SMARCC1: variants seen among roughly 807,000 people sequenced by gnomAD.
SMARCC1 encodes the protein SWI/SNF complex subunit SMARCC1.
Under a neutral mutation model 147.4 loss-of-function variants are expected in SMARCC1, and 43 were observed. The observed-to-expected ratio is 0.29, with a 90% CI of 0.23 to 0.38. SMARCC1 has a LOEUF of 0.38. Among genes scored for constraint, SMARCC1 ranks in the 10% least tolerant of loss-of-function variants. The pLI, the probability that SMARCC1 is intolerant of heterozygous loss-of-function variation, is 1.00. For missense variants in SMARCC1, 1,119 were observed against 1,381.1 expected (o/e 0.81, Z 3.01); for synonymous variants, 495 against 484.4 (o/e 1.02, Z -0.29).
In SMARCC1 at chr3:47,587,647, T is replaced by G. The variant is rs73083103; in HGVS notation, c.*562A>C. 0.016 allele frequency: 2,378 copies of G among 152,826 alleles called. 31 individuals carry two copies. Among genetic ancestry groups the G allele is most frequent in the Non-Finnish European group, 0.024 (1,611 of 68,132 alleles). 9.5% of individuals were successfully genotyped at this position (152,826 alleles called of 1,614,324 possible). The stretch of plus-strand genomic sequence containing the variant: ...TTGTGTGTGGCAAAAGTCTCAAACT[T>G]TACCATCAGCACCATTCTTAGCTCA... On this transcript the variant is annotated 3_prime_UTR_variant, in exon 28 of 28. Coordinates refer to ENST00000254480, the MANE Select transcript of SMARCC1 (RefSeq NM_003074.4).
At position 47,781,843 on chromosome 3, in the gene SMARCC1, C is replaced by A. The variant is rs1340067980; in HGVS notation, c.-46G>T. ...ACAGCCTGGCCCACCCCGGCCCTCG[C>A]GGTGTTTCCCGGTCGTTCCCGCGCG... On this transcript the variant is annotated 5_prime_UTR_variant, in exon 1 of 28. Transcript: ENST00000254480. The A allele has an allele frequency of 1.0e-5, 13 of 1,239,708 alleles. No homozygotes were observed. In the African/African-American group the frequency reaches 2.1e-4, roughly 20 times the overall value. 76.8% of individuals were successfully genotyped at this position (1,239,708 alleles called of 1,614,324 possible).
intron 6 of SMARCC1, among the ~76,000 whole-genome samples, chr3:47,724,165 T>G (rs4858851): frequency 0.63 from 95,198 of 152,044 alleles, 30,597 homozygotes; most frequent in East Asian, 0.72. Flanking sequence ...ATGCCCAAAA[T>G]AAAGTAGGAT....
chr3:47,667,332 A>AAG (rs1553681697), intron 19 of SMARCC1, among the ~76,000 whole-genome samples: 71 of 140,236 alleles, frequency 5.1e-4, no homozygotes, highest in African/African-American at 1.6e-3. Context: ...AAAAAAAAAA[A>AAG]AGAGAGAGAG....
intron 25 of SMARCC1, among the ~76,000 whole-genome samples, chr3:47,618,625 G>C (rs937453417): frequency 2.0e-5 from 3 of 152,094 alleles, no homozygotes; most frequent in African/African-American, 7.2e-5. Flanking sequence ...CATCACACAA[G>C]GAAACTTCTG....
chr3:47,658,975 G>A lies in SMARCC1; in HGVS notation c.2320+2319C>T, dbSNP rs187883938. Among the ~76,000 whole-genome samples the A allele has an allele frequency of 4.6e-5, 7 of 151,946 alleles. No homozygotes were observed. In the South Asian group the frequency reaches 6.2e-4, roughly 14 times the overall value. On this transcript the variant is annotated intron_variant, in intron 21 of 27. Transcript: ENST00000254480. ...TCTACTAAAAACACAAAAATTAGCC[G>A]GGTGTTGTGGCACAAGCCTGTAGTC...
chr3:47,620,496 T>C (rs1360779649), intron 25 of SMARCC1, among the ~76,000 whole-genome samples: 2 of 152,146 alleles, frequency 1.3e-5, no homozygotes, highest in Admixed American at 1.3e-4. Flanking sequence ...TTTTTGTTTT[T>C]TTTCCACTAA....
chr3:47,748,573 A>ATAAC (rs10627361), intron 2 of SMARCC1, among the ~76,000 whole-genome samples: 91,784 of 151,762 alleles, frequency 0.6, 29,037 homozygotes, highest in East Asian at 0.72. Context: ...ATATAAAACT[A>ATAAC]TAATAGCTAA....
chr3:47,684,188 C>T (rs1322034519), intron 14 of SMARCC1, among the ~76,000 whole-genome samples: 8 of 146,922 alleles, frequency 5.4e-5, no homozygotes, highest in Admixed American at 4.2e-4. Flanking sequence ...TGCAGTGAGC[C>T]GAGATCCCGC....
At chr3:47,590,605 C>T in intron 27 of SMARCC1, 56 bp downstream of exon 27, 3 of 1,413,216 alleles carry the variant, frequency 2.1e-6, no homozygotes, top group Non-Finnish European at 2.8e-6. Context: ...CTTCCCTTAT[C>T]TACAGCCCTC....
intron 24 of SMARCC1, among the ~76,000 whole-genome samples, chr3:47,625,560 C>T (rs1176985397): frequency 3.9e-5 from 6 of 151,986 alleles, no homozygotes; most frequent in Admixed American, 3.9e-4. Context: ...TCTAATACTT[C>T]CATAATAAAA....
chr3:47,652,656 G>A (rs1417838590), intron 21 of SMARCC1, among the ~76,000 whole-genome samples: 2 of 145,930 alleles, frequency 1.4e-5, no homozygotes, highest in African/African-American at 5.0e-5. Context: ...TTCCTCCAAA[G>A]GATTCTCCTG....
At chr3:47,766,158 A>G (rs1210264258) in intron 2 of SMARCC1, among the ~76,000 whole-genome samples, 1 of 152,196 alleles carries the variant, frequency 6.6e-6, no homozygotes, top group Non-Finnish European at 1.5e-5. Context: ...CCCAAACACA[A>G]TTAAAATCCA....
At chr3:47,766,740 A>AT (rs997782729) in intron 2 of SMARCC1, among the ~76,000 whole-genome samples, 4 of 151,924 alleles carry the variant, frequency 2.6e-5, no homozygotes, top group African/African-American at 7.2e-5. Context: ...CTTCTTAGCA[A>AT]TTTTTTTTGT....
chr3:47,656,630 C>A (rs996494617), intron 21 of SMARCC1, among the ~76,000 whole-genome samples: 1 of 151,910 alleles, frequency 6.6e-6, no homozygotes, highest in Non-Finnish European at 1.5e-5. Context: ...TAAACAGAAA[C>A]CAGGTCTGGC....
intron 12 of SMARCC1, among the ~76,000 whole-genome samples, chr3:47,690,646 G>T (rs2033779247): frequency 1.3e-5 from 2 of 152,094 alleles, no homozygotes; most frequent in Admixed American, 1.3e-4. Flanking sequence ...CAAAATATTT[G>T]GAAAGAGGTT....
At chr3:47,688,291 G>T (rs913181733) in intron 13 of SMARCC1, among the ~76,000 whole-genome samples, 5 of 125,316 alleles carry the variant, frequency 4.0e-5, no homozygotes, top group African/African-American at 1.5e-4. Flanking sequence ...GTGGCTCTTT[G>T]ACTAAATAAC....
rs1359089901 is a variant in SMARCC1, at chr3:47,610,171, C to T, written c.2938G>A (p.Ala980Thr). ...GGGTGCCCTGCTGCTCCAAGTGGGG[C>T]CAGGCCAGGTCCTCCTGAGTGCTGG... ...AHQHSGGPGL[A>T]PLGAAGHPGM... The change falls in exon 26 of 28, where the codon GCC (alanine) becomes ACC (threonine). Residue 980 changes from alanine to threonine, a missense_variant. Ala to Thr is a moderately conservative substitution (Grantham distance 58). Coordinates refer to ENST00000254480, the MANE Select transcript of SMARCC1 (RefSeq NM_003074.4). 1.2e-6 allele frequency: 2 copies of T among 1,614,000 alleles called. No individual in the cohort carries two copies. Among genetic ancestry groups the T allele is most frequent in the Non-Finnish European group, 1.7e-6 (2 of 1,180,040 alleles).
rs2032061064 is a variant in SMARCC1, at chr3:47,585,726, C to T, written c.*2483G>A. On this transcript the variant is annotated 3_prime_UTR_variant, in exon 28 of 28. Transcript: ENST00000254480. ...AAATGAACAGTGGGTGAGGTACCCT[C>T]AAAATGTATGTTCCTTACACATCAT... The T allele has an allele frequency of 6.6e-6, 1 of 152,190 alleles. No homozygotes were observed. The highest frequency in any genetic ancestry group is 1.5e-5 in the Non-Finnish European group (1 of 68,036). 9.4% of individuals were successfully genotyped at this position (152,190 alleles called of 1,614,324 possible). A position where few individuals can be genotyped will look rare whatever the true frequency, so the allele number is the denominator to read the frequency against.
chr3:47,595,133 G>C (rs2106643576), intron 26 of SMARCC1, among the ~76,000 whole-genome samples: 1 of 152,302 alleles, frequency 6.6e-6, no homozygotes, highest in South Asian at 2.1e-4. Flanking sequence ...GCTGTGGATG[G>C]ACCACACAGC....
Sources: allele counts gnomAD v4.1 joint callset (sites outside exome capture counted in the v4.1 genomes callset), GRCh38; gene constraint gnomAD v4.1.1; transcripts MANE v1.5; gene names NCBI Gene and HGNC (gene_info 2026-07-23, HGNC 2026-07-21).